The following TAF13 variants were observed in gnomAD, a reference collection of about 807,000 sequenced individuals.
TAF13 encodes transcription initiation factor TFIID subunit 13.
A neutral mutation model predicts 18.7 loss-of-function variants in TAF13; 9 were observed. That is an observed-to-expected ratio of 0.48 (90% CI 0.29 to 0.84). The LOEUF is 0.84. TAF13 is among the 40% of genes least tolerant of loss of function. The pLI, the probability that TAF13 is intolerant of heterozygous loss-of-function variation, is 0.08. For missense variants in TAF13, 105 were observed against 146.5 expected, an observed-to-expected ratio of 0.72 and a Z score of 1.46; for synonymous variants, 49 against 44.1, an observed-to-expected ratio of 1.11 and a Z score of -0.44.
intron 2 of TAF13, among the ~76,000 whole-genome samples, chr1:109,068,703 CTTTAAGAA>C (rs1243697244): frequency 2.6e-5 from 4 of 151,950 alleles, no homozygotes; most frequent in Non-Finnish European, 5.9e-5. Context: ...CAGAGACAAG[CTTTAAGAA>C]GTCCTTGAAG....
chr1:109,066,631 G>A (rs759512685), intron 2 of TAF13, among the ~76,000 whole-genome samples: 14 of 152,304 alleles, frequency 9.2e-5, no homozygotes, highest in South Asian at 2.1e-4. Context: ...GCAGTGGGGC[G>A]TTGGAAAAAC....
chr1:109,067,609 C>T (rs2102106575), intron 2 of TAF13, among the ~76,000 whole-genome samples: 1 of 151,688 alleles, frequency 6.6e-6, no homozygotes, highest in Non-Finnish European at 1.5e-5. Flanking sequence ...GGCTGTGTCT[C>T]AAAAATAATA....
intron 2 of TAF13, among the ~76,000 whole-genome samples, chr1:109,073,514 G>GCGC (rs1171705543): frequency 1.3e-5 from 2 of 152,168 alleles, no homozygotes; most frequent in Non-Finnish European, 2.9e-5. Context: ...CTACAGGCGT[G>GCGC]CGCCGCCACG....
chr1:109,066,311 T>C, intron 2 of TAF13, 79 bp from the exon 3 acceptor site: 2 of 1,105,934 alleles, frequency 1.8e-6, no homozygotes, highest in Non-Finnish European at 2.6e-6. Flanking sequence ...AAAGTAGAAA[T>C]GAACCAAGTT....
At position 109,064,450 on chromosome 1, in the gene TAF13, T is replaced by C; in HGVS notation, c.*73A>G. ...TCATTTACATGGCTAGATATCAGAA[T>C]CTTACTTTAGAAAATATACAATTAT... On this transcript the variant is annotated 3_prime_UTR_variant, in exon 4 of 4. Coordinates refer to ENST00000338366, the MANE Select transcript of TAF13 (RefSeq NM_005645.4). 2 of 1,258,062 alleles carry C rather than the reference T, an allele frequency of 1.6e-6. No individual in the cohort carries two copies. The highest frequency in any genetic ancestry group is 2.1e-6 in the Non-Finnish European group (2 of 968,698). 77.9% of individuals were successfully genotyped at this position (1,258,062 alleles called of 1,614,324 possible).
In TAF13 at chr1:109,064,708, CAT is replaced by C. The variant is rs751951039; in HGVS notation, c.205-17_205-16del. The C allele has an allele frequency of 3.5e-6, 5 of 1,422,576 alleles. No homozygotes were observed. The highest frequency in any genetic ancestry group is 4.6e-6 in the Non-Finnish European group (5 of 1,080,796). 88.1% of individuals were successfully genotyped at this position (1,422,576 alleles called of 1,614,324 possible). ...GCCTTGTGAGTCTATTACAAAGAAACATATTACATTTAACTTTTTTAAATCTA... is the reference window on the plus strand; with the variant it reads ...GCCTTGTGAGTCTATTACAAAGAAACATTACATTTAACTTTTTTAAATCTA... On this transcript the variant is annotated splice_polypyrimidine_tract_variant and intron_variant, in intron 3 of 3. Transcript: ENST00000338366.
intron 1 of TAF13, among the ~76,000 whole-genome samples, chr1:109,075,342 AG>A (rs1285728740): frequency 6.6e-6 from 1 of 152,224 alleles, no homozygotes; most frequent in African/African-American, 2.4e-5. Context: ...TAAACAACTA[AG>A]GTGGCCTATT....
At chr1:109,065,549 A>G (rs547345186) in intron 3 of TAF13, among the ~76,000 whole-genome samples, 99 of 151,996 alleles carry the variant, frequency 6.5e-4, no homozygotes, top group African/African-American at 2.2e-3. Context: ...AGGAGGGGAA[A>G]AAAAAAAACC....
intron 1 of TAF13, 142 bp downstream of exon 1, chr1:109,075,779 G>A: frequency 9.5e-7 from 1 of 1,051,380 alleles, no homozygotes; most frequent in Non-Finnish European, 1.4e-6. Context: ...TTTCTAAAAT[G>A]ATCAATCCTT....
chr1:109,071,960 ATATAT>A (rs1664064849), intron 2 of TAF13, among the ~76,000 whole-genome samples: 1 of 4,788 alleles, frequency 2.1e-4, no homozygotes, highest in Admixed American at 2.5e-3. Flanking sequence ...AAAAGAAAAT[ATATAT>A]ATATATATAT....
intron 1 of TAF13, among the ~76,000 whole-genome samples, chr1:109,075,661 G>A (rs1323637213): frequency 6.6e-6 from 1 of 152,148 alleles, no homozygotes; most frequent in Non-Finnish European, 1.5e-5. Context: ...ATAGATGTTA[G>A]TTTTGATCTC....
rs756231235 is a variant in TAF13 at position 109,075,831 on chromosome 1, G to A, written c.27+90C>T. On this transcript the variant is annotated intron_variant, in intron 1 of 3. Transcript: ENST00000338366. ...GAACTCTGTCCGCTGAATTCACTAA[G>A]GCAAGCAGACCCGATCCTGAACTCT... 1.6e-5 allele frequency: 25 copies of A among 1,560,658 alleles called. No individual in the cohort carries two copies. In the Admixed American group the frequency reaches 2.4e-4, roughly 15 times the overall value.
At chr1:109,071,345 G>A (rs1664047629) in intron 2 of TAF13, among the ~76,000 whole-genome samples, 1 of 151,912 alleles carries the variant, frequency 6.6e-6, no homozygotes, top group South Asian at 2.1e-4. Context: ...GGAGGCTGAG[G>A]CAGGAGAATT....
intron 3 of TAF13, 23 bp downstream of exon 3, chr1:109,066,112 G>T (rs2102105444): frequency 1.3e-6 from 2 of 1,573,684 alleles, no homozygotes; most frequent in South Asian, 2.3e-5. Context: ...AATTAACTAA[G>T]ACCAGTTAGG....
At chr1:109,072,121 C>T (rs71514052) in intron 2 of TAF13, among the ~76,000 whole-genome samples, 8 of 4,670 alleles carry the variant, frequency 1.7e-3, no homozygotes, top group African/African-American at 5.6e-3. Flanking sequence ...TATATACACA[C>T]ATATATATAT....
Position 109,066,168 on chromosome 1 carries a change from A to G in TAF13, c.171T>C (p.Leu57=), listed in dbSNP as rs565220048. 1.2e-5 allele frequency: 20 copies of G among 1,613,170 alleles called. No individual in the cohort carries two copies. The South Asian group carries it at 2.1e-4, about 17-fold the overall frequency. ...QNPYTESVDI[L]EDLVIEFITE... ...TGATAAACTCTATGACAAGATCTTC[A>G]AGAATATCCACTGACTCAGTATAAG... The change falls in exon 3 of 4, where the codon CTT becomes CTC. Residue 57 remains leucine (L), a synonymous_variant. Transcript: ENST00000338366.
intron 2 of TAF13, among the ~76,000 whole-genome samples, chr1:109,067,452 AC>A (rs1345547898): frequency 1.3e-5 from 2 of 150,068 alleles, no homozygotes; most frequent in East Asian, 3.9e-4. Flanking sequence ...AAAAAAAAAA[AC>A]ACAAAAGTCA....
At chr1:109,074,914 T>C in intron 2 of TAF13, 73 bp downstream of exon 2, 2 of 1,106,168 alleles carry the variant, frequency 1.8e-6, no homozygotes, top group South Asian at 1.4e-5. Flanking sequence ...TTCAAAGCAA[T>C]AAAGCTACTT....
At chr1:109,074,401 ACTCC>A (rs1445438700) in intron 2 of TAF13, among the ~76,000 whole-genome samples, 4 of 151,798 alleles carry the variant, frequency 2.6e-5, no homozygotes, top group Non-Finnish European at 4.4e-5. Flanking sequence ...AGTCATCACC[ACTCC>A]CTAATCTCAA....
Sources: gnomAD v4.1 joint callset for allele counts (sites outside exome capture counted in the v4.1 genomes callset) on GRCh38, gnomAD v4.1.1 for gene constraint, MANE v1.5 for transcripts, NCBI Gene and HGNC (gene_info 2026-07-23, HGNC 2026-07-21) for gene names.